The following FRMD4A variants were observed in gnomAD, a reference collection of about 807,000 sequenced individuals.
The protein encoded by FRMD4A is FERM domain-containing protein 4A.
FRMD4A carries 29 observed loss-of-function variants against 129.1 expected under a neutral mutation model. That is an observed-to-expected ratio of 0.22 (90% CI 0.17 to 0.31). FRMD4A has a LOEUF of 0.31. FRMD4A is among the 10% of genes least tolerant of loss of function. The probability of loss-of-function intolerance (pLI) is 1.00; values close to 1 mark genes in which losing one functional copy is unlikely to be tolerated. For synonymous variants in FRMD4A, 634 were observed against 571.6 expected, an observed-to-expected ratio of 1.11 and a Z score of -1.56; for missense variants, 1,272 against 1,375.8, an observed-to-expected ratio of 0.92 and a Z score of 1.19.
chr10:13,971,763 A>T, intron 2 of FRMD4A: 2 of 1,304,414 alleles, frequency 1.5e-6, no homozygotes, highest in Non-Finnish European at 2.0e-6. Context: ...TTCCAACTCC[A>T]CGGTGGGTCC....
intron 17 of FRMD4A, chr10:13,667,989 A>G (rs1007608356): frequency 7.2e-5 from 11 of 152,218 alleles, no homozygotes; most frequent in Admixed American, 2.0e-4. Context: ...GAATCAACAG[A>G]TCTTCCTGTT....
chr10:13,843,184 C>T (rs72771075), intron 3 of FRMD4A, among the ~76,000 whole-genome samples: 6,389 of 152,250 alleles, frequency 0.042, 168 homozygotes, highest in Non-Finnish European at 0.064. Flanking sequence ...TATGCTGCAT[C>T]GGATTCTGGC....
intron 2 of FRMD4A, among the ~76,000 whole-genome samples, chr10:13,989,317 A>G (rs139580537): frequency 1.7e-3 from 260 of 152,252 alleles, no homozygotes; most frequent in Non-Finnish European, 3.0e-3. Flanking sequence ...CTGGCATATT[A>G]TGGATGCTCA....
chr10:14,116,317 G>A (rs914642781), intron 2 of FRMD4A, among the ~76,000 whole-genome samples: 3 of 152,186 alleles, frequency 2.0e-5, no homozygotes, highest in Non-Finnish European at 4.4e-5. Context: ...TGTTCACCTC[G>A]GATTCAAGCG....
intron 13 of FRMD4A, among the ~76,000 whole-genome samples, chr10:13,702,779 C>T (rs7088526): frequency 0.25 from 37,676 of 151,500 alleles, 5,087 homozygotes; most frequent in Non-Finnish European, 0.29. Context: ...TTACTTTGGG[C>T]GGGGGTCGGG....
At chr10:13,977,261 G>C (rs1206621837) in intron 2 of FRMD4A, among the ~76,000 whole-genome samples, 1 of 152,178 alleles carries the variant, frequency 6.6e-6, no homozygotes. Context: ...GACTTTTCCA[G>C]GTCTTAACTA....
intron 2 of FRMD4A, among the ~76,000 whole-genome samples, chr10:14,249,824 G>C (rs1482792950): frequency 6.6e-6 from 1 of 152,164 alleles, no homozygotes; most frequent in Non-Finnish European, 1.5e-5. Flanking sequence ...GAAAAAACGA[G>C]AGGTTGCGTA....
chr10:13,681,918 CTCTT>C (rs937474503), intron 15 of FRMD4A, among the ~76,000 whole-genome samples: 1 of 152,098 alleles, frequency 6.6e-6, no homozygotes, highest in Non-Finnish European at 1.5e-5. Flanking sequence ...ATACCAGTTA[CTCTT>C]TCTATTAAAA....
intron 2 of FRMD4A, among the ~76,000 whole-genome samples, chr10:13,878,222 C>CAAAAA (rs34559071): frequency 3.3e-5 from 3 of 91,312 alleles, no homozygotes; most frequent in Admixed American, 1.2e-4. Flanking sequence ...CTACTTGTAG[C>CAAAAA]AAAAAAAAAA....
intron 2 of FRMD4A, among the ~76,000 whole-genome samples, chr10:13,982,594 C>T (rs555277727): frequency 5.3e-5 from 8 of 152,168 alleles, no homozygotes; most frequent in African/African-American, 7.2e-5. Flanking sequence ...AAGGAAGGAA[C>T]GCTGCTCAGA....
At chr10:14,299,689 G>A (rs1443038888) in intron 2 of FRMD4A, among the ~76,000 whole-genome samples, 5 of 152,072 alleles carry the variant, frequency 3.3e-5, no homozygotes, top group Non-Finnish European at 5.9e-5. Context: ...CTATCTCCTG[G>A]GAACTCAATG....
At position 13,834,464 on chromosome 10, in the gene FRMD4A, G is replaced by C. The variant is rs1468759545; in HGVS notation, c.112-23556C>G. Among the ~76,000 whole-genome samples, 5 of 152,166 alleles carry C rather than the reference G, an allele frequency of 3.3e-5. 1 individual carries two copies. The highest frequency in any genetic ancestry group is 3.3e-4 in the Admixed American group (5 of 15,278). ...GCACAGTCCTTTGTGCTCTTCTCCA[G>C]GAGGGAGAAAAATGGTGAGATATCA... On this transcript the variant is annotated intron_variant, in intron 3 of 24. Coordinates refer to ENST00000357447, the MANE Select transcript of FRMD4A (RefSeq NM_018027.5).
chr10:14,104,583 C>T (rs761075157), intron 2 of FRMD4A, among the ~76,000 whole-genome samples: 16 of 152,204 alleles, frequency 1.1e-4, no homozygotes, highest in Non-Finnish European at 2.4e-4. Context: ...TGGCCCTGGC[C>T]CCATCTGTGC....
intron 3 of FRMD4A, among the ~76,000 whole-genome samples, chr10:13,858,639 C>T (rs937165991): frequency 3.3e-5 from 5 of 152,206 alleles, no homozygotes; most frequent in African/African-American, 1.2e-4. Context: ...AGATGTACAT[C>T]TGGCCTTGGA....
At chr10:13,811,810 C>T (rs117687345) in intron 3 of FRMD4A, among the ~76,000 whole-genome samples, 403 of 151,784 alleles carry the variant, frequency 2.7e-3, no homozygotes, top group Non-Finnish European at 4.8e-3. Flanking sequence ...TTTGAAAATA[C>T]ATTGCCTCTA....
At chr10:14,271,512 G>A (rs555558123) in intron 2 of FRMD4A, among the ~76,000 whole-genome samples, 4 of 152,322 alleles carry the variant, frequency 2.6e-5, no homozygotes, top group African/African-American at 4.8e-5. Flanking sequence ...CCTTGCAGAC[G>A]GGTGGGAGAG....
rs533215051 is a variant in FRMD4A at position 13,913,072 on chromosome 10, T to TAAA, written c.46-54163_46-54161dup. On this transcript the variant is annotated intron_variant, in intron 2 of 24. Coordinates refer to ENST00000357447, the MANE Select transcript of FRMD4A (RefSeq NM_018027.5). ...TGGGTAAGAAGAGTAAAACTCCATTTAAAAAAAAAAAAAAAAAGGATATTA... is the reference window on the plus strand; with the variant it reads ...TGGGTAAGAAGAGTAAAACTCCATTTAAAAAAAAAAAAAAAAAAAAGGATATTA... Among the ~76,000 whole-genome samples the TAAA allele has an allele frequency of 3.9e-5, 5 of 126,618 alleles. 1 individual carries two copies. The allele number at this position is 126,618 out of a possible 152,430, so 83.1% of individuals were successfully genotyped here.
chr10:13,685,622 G>A (rs2084998821), intron 15 of FRMD4A: 1 of 984,522 alleles, frequency 1.0e-6, no homozygotes. Context: ...GCCCTAAATG[G>A]GAACAGAGAA....
intron 2 of FRMD4A, among the ~76,000 whole-genome samples, chr10:13,943,387 C>T (rs977395747): frequency 2.0e-5 from 3 of 151,992 alleles, no homozygotes; most frequent in East Asian, 1.9e-4. Flanking sequence ...CGGTGATTCA[C>T]GCCTGTAATC....
Sources: allele counts gnomAD v4.1 joint callset (sites outside exome capture counted in the v4.1 genomes callset), GRCh38; gene constraint gnomAD v4.1.1; transcripts MANE v1.5; gene names NCBI Gene and HGNC (gene_info 2026-07-23, HGNC 2026-07-21).